The following FHOD3 variants were observed in gnomAD, a reference collection of about 807,000 sequenced individuals.
The protein encoded by FHOD3 is FH1/FH2 domain-containing protein 3.
In FHOD3, 90 loss-of-function variants were observed where a neutral mutation model predicts 173.0. That is an observed-to-expected ratio of 0.52 (90% CI 0.44 to 0.62). The LOEUF (loss-of-function observed/expected upper bound fraction) is 0.62, where lower values mean the gene tolerates loss of function less well. Among genes scored for constraint, FHOD3 ranks in the 20% least tolerant of loss-of-function variants. FHOD3 has a pLI of 0.00. For synonymous variants in FHOD3, 828 were observed against 823.0 expected (o/e 1.01, Z -0.10); for missense variants, 1,945 against 2,034.7 (o/e 0.96, Z 0.85).
chr18:36,636,045 G>A (rs527985481), intron 10 of FHOD3, among the ~76,000 whole-genome samples: 2 of 152,286 alleles, frequency 1.3e-5, no homozygotes, highest in East Asian at 3.9e-4. Flanking sequence ...CAGATGGAAA[G>A]GTTCAAGTTC....
chr18:36,688,144 G>A (rs1249075829), intron 16 of FHOD3, among the ~76,000 whole-genome samples: 3 of 152,184 alleles, frequency 2.0e-5, no homozygotes, highest in Non-Finnish European at 4.4e-5. Context: ...GTGGAAACTG[G>A]TTTTACAAGT....
chr18:36,720,236 C>CTTTTTTTT (rs35295640), intron 19 of FHOD3, among the ~76,000 whole-genome samples: 3 of 119,184 alleles, frequency 2.5e-5, no homozygotes, highest in Non-Finnish European at 3.3e-5. Context: ...CGTTCCAATT[C>CTTTTTTTT]TTTTTTTTTT....
chr18:36,537,023 T>C (rs559584334), intron 5 of FHOD3, among the ~76,000 whole-genome samples: 1 of 152,216 alleles, frequency 6.6e-6, no homozygotes, highest in Admixed American at 6.5e-5. Flanking sequence ...TGGTTTCCCT[T>C]AAGTCCAAGT....
chr18:36,698,739 A>G (rs532694707), intron 17 of FHOD3, among the ~76,000 whole-genome samples: 1 of 152,368 alleles, frequency 6.6e-6, no homozygotes, highest in East Asian at 1.9e-4. Context: ...GGATGCTGGC[A>G]GAAGACACAA....
intron 1 of FHOD3, among the ~76,000 whole-genome samples, chr18:36,309,782 G>C (rs1355664506): frequency 6.6e-6 from 1 of 152,172 alleles, no homozygotes; most frequent in Non-Finnish European, 1.5e-5. Context: ...TTTGTTCCCA[G>C]AACTGAGTGC....
chr18:36,436,148 A>G (rs1164536832), intron 3 of FHOD3, among the ~76,000 whole-genome samples: 1 of 152,208 alleles, frequency 6.6e-6, no homozygotes, highest in East Asian at 1.9e-4. Flanking sequence ...TTATAAACTG[A>G]TATTGCATGC....
chr18:36,356,299 C>T (rs1293891829), intron 2 of FHOD3, among the ~76,000 whole-genome samples: 3 of 152,090 alleles, frequency 2.0e-5, no homozygotes, highest in East Asian at 1.9e-4. Flanking sequence ...TTTGCCTATA[C>T]CTAGAATTGC....
rs2050046818 is a variant in FHOD3, at chr18:36,422,673, C to T, written c.337+49929C>T. On this transcript the variant is annotated intron_variant, in intron 3 of 28. Transcript: ENST00000590592. ...CTCTGCAGGCTGACCTAAGGGGCTGCTTTTCTCCAGTGCCCCAGCAGTAGC... is the reference window on the plus strand; with the variant it reads ...CTCTGCAGGCTGACCTAAGGGGCTGTTTTTCTCCAGTGCCCCAGCAGTAGC... Among the ~76,000 whole-genome samples the T allele has an allele frequency of 2.0e-5, 3 of 152,194 alleles. No individual in the cohort carries two copies. In the South Asian group the frequency reaches 6.2e-4, roughly 32 times the overall value.
intron 18 of FHOD3, among the ~76,000 whole-genome samples, chr18:36,716,914 ATG>A (rs57041859): frequency 0.1 from 13,815 of 136,416 alleles, 708 homozygotes; most frequent in Non-Finnish European, 0.14. Flanking sequence ...ATATATGTGT[ATG>A]TGTGTGTGTG....
At chr18:36,577,124 A>G (rs1264482534) in intron 6 of FHOD3, among the ~76,000 whole-genome samples, 1 of 152,134 alleles carries the variant, frequency 6.6e-6, no homozygotes, top group African/African-American at 2.4e-5. Context: ...CATAGATGTA[A>G]GATCTGTGAA....
chr18:36,744,239 A>G lies in FHOD3; in HGVS notation c.4041+46A>G, dbSNP rs773635271. 4.4e-6 allele frequency: 7 copies of G among 1,575,414 alleles called. No individual in the cohort carries two copies. The South Asian group carries it at 6.9e-5, about 16-fold the overall frequency. ...GAGTGGGCCTGGTCTCGCTGCAGCCACGGGATCTTTATCGGTCATCCTCGA... is the reference window on the plus strand; with the variant it reads ...GAGTGGGCCTGGTCTCGCTGCAGCCGCGGGATCTTTATCGGTCATCCTCGA... On this transcript the variant is annotated intron_variant, in intron 23 of 28. Transcript: ENST00000590592.
intron 27 of FHOD3, among the ~76,000 whole-genome samples, chr18:36,761,272 C>T (rs183879699): frequency 1.9e-3 from 296 of 152,312 alleles, no homozygotes; most frequent in Non-Finnish European, 3.5e-3. Flanking sequence ...CCCTTTTTCA[C>T]ATCCTTAGGC....
At chr18:36,345,208 G>GTTT (rs34670751) in intron 1 of FHOD3, among the ~76,000 whole-genome samples, 2,391 of 151,450 alleles carry the variant, frequency 0.016, 75 homozygotes, top group Admixed American at 0.083. Flanking sequence ...TACAGAGTAT[G>GTTT]TTTTTTTTTA....
At chr18:36,532,708 A>G (rs566268338) in intron 5 of FHOD3, among the ~76,000 whole-genome samples, 17 of 152,304 alleles carry the variant, frequency 1.1e-4, no homozygotes, top group African/African-American at 3.8e-4. Flanking sequence ...GTTCCCTCGG[A>G]GACCCACCGG....
chr18:36,625,455 G>A (rs2034026934), intron 9 of FHOD3, 56 bp from the exon 10 acceptor site: 1 of 1,333,602 alleles, frequency 7.5e-7, no homozygotes, highest in Non-Finnish European at 9.8e-7. Context: ...TCACACCTGA[G>A]GTCTGTGAAA....
intron 2 of FHOD3, among the ~76,000 whole-genome samples, chr18:36,355,890 A>G (rs2046337595): frequency 1.3e-5 from 2 of 152,346 alleles, no homozygotes; most frequent in South Asian, 4.1e-4. Flanking sequence ...AATCAAGCAC[A>G]TGGTATTTAT....
intron 5 of FHOD3, among the ~76,000 whole-genome samples, chr18:36,561,007 AT>A (rs1398729296): frequency 1.3e-5 from 2 of 152,078 alleles, no homozygotes; most frequent in Non-Finnish European, 1.5e-5. Context: ...TTCCGCAGAC[AT>A]TCTGTTTATG....
intron 6 of FHOD3, among the ~76,000 whole-genome samples, chr18:36,581,296 A>G (rs1275830449): frequency 6.6e-6 from 1 of 152,180 alleles, no homozygotes; most frequent in Non-Finnish European, 1.5e-5. Flanking sequence ...TTGGAGTAAG[A>G]TGATTCAGTC....
At chr18:36,502,858 A>G (rs1315015234) in intron 4 of FHOD3, among the ~76,000 whole-genome samples, 1 of 152,174 alleles carries the variant, frequency 6.6e-6, no homozygotes, top group Non-Finnish European at 1.5e-5. Flanking sequence ...AACTGTATAC[A>G]TATGTGATCA....
Sources: gnomAD v4.1 joint callset for allele counts (sites outside exome capture counted in the v4.1 genomes callset) on GRCh38, gnomAD v4.1.1 for gene constraint, MANE v1.5 for transcripts, NCBI Gene and HGNC (gene_info 2026-07-23, HGNC 2026-07-21) for gene names.